Variants in MACROD2 observed in about 807,000 individuals in gnomAD.
The protein encoded by MACROD2 is ADP-ribose glycohydrolase MACROD2.
MACROD2 carries 36 observed loss-of-function variants against 70.4 expected under a neutral mutation model. That is an observed-to-expected ratio of 0.51 (90% CI 0.39 to 0.68). The LOEUF (loss-of-function observed/expected upper bound fraction) is 0.68, where lower values mean the gene tolerates loss of function less well. Among genes scored for constraint, MACROD2 ranks in the 30% least tolerant of loss-of-function variants. MACROD2 has a pLI of 0.00. For synonymous variants in MACROD2, 172 were observed against 178.8 expected, an observed-to-expected ratio of 0.96 and a Z score of 0.30; for missense variants, 496 against 538.4, an observed-to-expected ratio of 0.92 and a Z score of 0.78.
intron 5 of MACROD2, among the ~76,000 whole-genome samples, chr20:15,017,590 T>A (rs1003277703): frequency 2.0e-5 from 3 of 152,224 alleles, no homozygotes; most frequent in Non-Finnish European, 2.9e-5. Flanking sequence ...AACCCCACAT[T>A]TGCCTTCTGC....
intron 3 of MACROD2, among the ~76,000 whole-genome samples, chr20:14,487,951 A>C (rs893933196): frequency 6.6e-6 from 1 of 152,202 alleles, no homozygotes; most frequent in Non-Finnish European, 1.5e-5. Flanking sequence ...ATAATATTAT[A>C]AGAAATATGA....
chr20:15,170,626 A>G (rs910215368), intron 5 of MACROD2, among the ~76,000 whole-genome samples: 2 of 152,152 alleles, frequency 1.3e-5, no homozygotes, highest in African/African-American at 2.4e-5. Flanking sequence ...AGCTGCACCA[A>G]TTCATCCTCA....
At chr20:14,581,139 T>C (rs2123347359) in intron 4 of MACROD2, among the ~76,000 whole-genome samples, 1 of 152,342 alleles carries the variant, frequency 6.6e-6, no homozygotes, top group East Asian at 1.9e-4. Flanking sequence ...ATGATCTAAA[T>C]GCTTGAATTA....
rs144966372 is a variant in MACROD2 at position 14,845,848 on chromosome 20, T to G, written c.418+160889T>G. On this transcript the variant is annotated intron_variant, in intron 5 of 17. Transcript: ENST00000684519. ...CAGATTTGGCTGACTTGTGGGCCAT[T>G]AAAAATGTTCCTTCCCCCAAACGGC... is the stretch of plus-strand genomic sequence containing the variant. 3.3e-5 allele frequency among the ~76,000 whole-genome samples: 5 copies of G among 152,140 alleles called. No homozygotes were observed. The East Asian group carries it at 9.7e-4, about 29-fold the overall frequency.
At chr20:15,512,053 T>C (rs2047507269) in intron 8 of MACROD2, among the ~76,000 whole-genome samples, 1 of 152,240 alleles carries the variant, frequency 6.6e-6, no homozygotes, top group African/African-American at 2.4e-5. Flanking sequence ...GAAAAGGCTA[T>C]GTTAAGTGAG....
At chr20:14,558,156 T>C (rs12479826) in intron 4 of MACROD2, among the ~76,000 whole-genome samples, 11,504 of 151,738 alleles carry the variant, frequency 0.076, 727 homozygotes, top group South Asian at 0.3. Flanking sequence ...ATGTCTAGAA[T>C]AGGCAAATCT....
intron 2 of MACROD2, among the ~76,000 whole-genome samples, chr20:14,016,204 C>T (rs1483803414): frequency 6.6e-6 from 1 of 152,172 alleles, no homozygotes; most frequent in Non-Finnish European, 1.5e-5. Flanking sequence ...TTTATAGATG[C>T]TTATTGGCCA....
intron 5 of MACROD2, among the ~76,000 whole-genome samples, chr20:15,045,719 GTTTTTTTTTTTT>G (rs71335981): frequency 1.4e-5 from 1 of 73,382 alleles, no homozygotes. Context: ...CCAGACCAGG[GTTTTTTTTTTTT>G]TTTTTTTTTT....
intron 4 of MACROD2, among the ~76,000 whole-genome samples, chr20:14,675,068 C>G (rs1009000476): frequency 1.3e-5 from 2 of 152,080 alleles, no homozygotes; most frequent in Admixed American, 6.5e-5. Context: ...AAGACCAAAC[C>G]TACTTTTGAT....
At chr20:15,201,033 G>C (rs533723936) in intron 5 of MACROD2, among the ~76,000 whole-genome samples, 1 of 151,860 alleles carries the variant, frequency 6.6e-6, no homozygotes, top group Non-Finnish European at 1.5e-5. Context: ...CCAAGATTTC[G>C]AATTCCCAAC....
chr20:14,211,850 G>A (rs1266882824), intron 3 of MACROD2, among the ~76,000 whole-genome samples: 1 of 152,070 alleles, frequency 6.6e-6, no homozygotes, highest in Non-Finnish European at 1.5e-5. Flanking sequence ...ACCCAGAGGT[G>A]GTAATAGTCA....
intron 8 of MACROD2, among the ~76,000 whole-genome samples, chr20:15,782,878 C>T (rs2051858778): frequency 6.6e-6 from 1 of 152,022 alleles, no homozygotes; most frequent in Non-Finnish European, 1.5e-5. Context: ...TTCTATCTCA[C>T]ACAGAGTCTT....
intron 6 of MACROD2, among the ~76,000 whole-genome samples, chr20:15,411,627 A>C (rs192358027): frequency 6.6e-6 from 1 of 152,324 alleles, no homozygotes; most frequent in East Asian, 1.9e-4. Context: ...TGGTATTGGA[A>C]TTGTCCCCAA....
chr20:14,409,016 A>G (rs9808596), intron 3 of MACROD2, among the ~76,000 whole-genome samples: 53,947 of 151,914 alleles, frequency 0.36, 10,105 homozygotes, highest in South Asian at 0.61. Flanking sequence ...TGTCAAGCAC[A>G]TCTAGAGCTT....
intron 8 of MACROD2, among the ~76,000 whole-genome samples, chr20:15,778,233 A>G (rs2147032997): frequency 6.6e-6 from 1 of 152,072 alleles, no homozygotes; most frequent in Middle Eastern, 3.4e-3. Context: ...CAATAACTGT[A>G]CTCTTATCCA....
intron 4 of MACROD2, among the ~76,000 whole-genome samples, chr20:14,559,684 C>T (rs6105292): frequency 0.32 from 48,579 of 151,614 alleles, 8,527 homozygotes; most frequent in African/African-American, 0.43. Context: ...AATTCTCACA[C>T]TTTTTTCTTT....
chr20:14,102,299 G>A (rs2054312036), intron 3 of MACROD2, among the ~76,000 whole-genome samples: 1 of 151,992 alleles, frequency 6.6e-6, no homozygotes, highest in African/African-American at 2.4e-5. Context: ...ACCGCGGCTG[G>A]CCTTAATGAG....
intron 7 of MACROD2, among the ~76,000 whole-genome samples, chr20:15,435,402 C>G (rs1310901519): frequency 6.6e-6 from 1 of 152,032 alleles, no homozygotes; most frequent in Non-Finnish European, 1.5e-5. Flanking sequence ...AACACACACA[C>G]AAAAGAATTG....
At chr20:14,496,394 T>C (rs1367586944) in intron 4 of MACROD2, among the ~76,000 whole-genome samples, 1 of 152,166 alleles carries the variant, frequency 6.6e-6, no homozygotes, top group Non-Finnish European at 1.5e-5. Context: ...GTAGACAAAA[T>C]TATTGTATGC....
Sources: gnomAD v4.1 joint callset for allele counts (sites outside exome capture counted in the v4.1 genomes callset) on GRCh38, gnomAD v4.1.1 for gene constraint, MANE v1.5 for transcripts, NCBI Gene and HGNC (gene_info 2026-07-23, HGNC 2026-07-21) for gene names.